TLE4: variants seen among roughly 807,000 people sequenced by gnomAD.
The protein encoded by TLE4 is TLE family member 4, transcriptional corepressor, also known as transducin-like enhancer protein 4.
In TLE4, 8 loss-of-function variants were observed where a neutral mutation model predicts 92.8. That is an observed-to-expected ratio of 0.09 (90% CI 0.05 to 0.16). The LOEUF is 0.16. Among genes scored for constraint, TLE4 ranks in the 10% least tolerant of loss-of-function variants. The pLI, the probability that TLE4 is intolerant of heterozygous loss-of-function variation, is 1.00. For synonymous variants in TLE4, 371 were observed against 374.1 expected (o/e 0.99, Z 0.10); for missense variants, 675 against 997.6 (o/e 0.68, Z 4.36).
intron 4 of TLE4, among the ~76,000 whole-genome samples, chr9:79,606,184 GTTGTTTT>G (rs2046817499): frequency 5.4e-5 from 1 of 18,374 alleles, no homozygotes; most frequent in Non-Finnish European, 1.2e-4. Context: ...AGCAGTAGTA[GTTGTTTT>G]TTTTTTTTTT....
chr9:79,720,871 T>C (rs1301960487), intron 16 of TLE4, among the ~76,000 whole-genome samples: 2 of 152,130 alleles, frequency 1.3e-5, no homozygotes, highest in Non-Finnish European at 2.9e-5. Flanking sequence ...TGTCCCACCT[T>C]TGAGGTTGGA....
At chr9:79,722,383 T>C (rs2075789697) in intron 17 of TLE4, 68 bp from the exon 18 acceptor site, 1 of 1,552,474 alleles carries the variant, frequency 6.4e-7, no homozygotes, top group Non-Finnish European at 8.8e-7. Context: ...ACAGAAGAGA[T>C]AGTACCTCCC....
intron 5 of TLE4, among the ~76,000 whole-genome samples, chr9:79,615,046 A>T (rs1385577886): frequency 6.6e-6 from 1 of 152,156 alleles, no homozygotes; most frequent in African/African-American, 2.4e-5. Context: ...ATTGTGTGAG[A>T]CACAAACATG....
At chr9:79,645,276 TA>T (rs1368690972) in intron 6 of TLE4, among the ~76,000 whole-genome samples, 2 of 152,224 alleles carry the variant, frequency 1.3e-5, no homozygotes, top group African/African-American at 2.4e-5. Context: ...TGCTCATTGC[TA>T]CTGAGATGTT....
intron 8 of TLE4, among the ~76,000 whole-genome samples, chr9:79,687,017 C>T (rs1257141974): frequency 6.6e-6 from 1 of 152,222 alleles, no homozygotes; most frequent in African/African-American, 2.4e-5. Context: ...TGCACTTAGG[C>T]TCTGGGGATA....
chr9:79,655,065 C>T (rs1037235317), intron 8 of TLE4, among the ~76,000 whole-genome samples: 1 of 152,178 alleles, frequency 6.6e-6, no homozygotes, highest in Non-Finnish European at 1.5e-5. Context: ...TCGCTTGAAT[C>T]TGGGAGGCAG....
intron 8 of TLE4, among the ~76,000 whole-genome samples, chr9:79,679,610 C>G (rs943985105): frequency 6.6e-6 from 1 of 152,136 alleles, no homozygotes; most frequent in Admixed American, 6.5e-5. Context: ...TGCAGAAGCT[C>G]TTTAGTTTAA....
chr9:79,659,390 T>C lies in TLE4; in HGVS notation c.609+5315T>C, dbSNP rs79115034. ...CAATATGCAAAATGAACACATTATC[T>C]AAATAGTGGGCCCTTTTTTTTTTAG... On this transcript the variant is annotated intron_variant, in intron 8 of 19. Coordinates refer to ENST00000376552, the MANE Select transcript of TLE4 (RefSeq NM_007005.6). Among the ~76,000 whole-genome samples, 893 of 152,106 alleles carry C rather than the reference T, an allele frequency of 5.9e-3. 5 individuals carry two copies. Among genetic ancestry groups the C allele is most frequent in the Non-Finnish European group, 0.01 (690 of 67,990 alleles).
intron 8 of TLE4, chr9:79,668,903 G>A (rs1360866021): frequency 2.4e-6 from 2 of 847,746 alleles, no homozygotes; most frequent in East Asian, 2.5e-4. Flanking sequence ...AGCTGCAGAT[G>A]ATAATGCTGG....
intron 14 of TLE4, among the ~76,000 whole-genome samples, chr9:79,710,506 A>C (rs142004635): frequency 2.6e-5 from 4 of 152,072 alleles, no homozygotes; most frequent in African/African-American, 9.7e-5. Context: ...GTCACTACAC[A>C]TGCCGTGTAT....
intron 8 of TLE4, among the ~76,000 whole-genome samples, chr9:79,690,233 C>A (rs2066765399): frequency 6.6e-6 from 1 of 152,092 alleles, no homozygotes; most frequent in African/African-American, 2.4e-5. Flanking sequence ...CTAATTCTTC[C>A]CAAGCAGTTC....
chr9:79,589,775 C>G (rs1268753886), intron 4 of TLE4, among the ~76,000 whole-genome samples: 1 of 152,092 alleles, frequency 6.6e-6, no homozygotes, highest in Non-Finnish European at 1.5e-5. Flanking sequence ...TATGATAGAC[C>G]GGGCTGCCTG....
intron 6 of TLE4, among the ~76,000 whole-genome samples, chr9:79,639,152 A>T (rs868241864): frequency 1.3e-5 from 2 of 152,052 alleles, no homozygotes; most frequent in Non-Finnish European, 2.9e-5. Context: ...ATGGGAGGGG[A>T]TGGGATTTGA....
chr9:79,625,378 A>G (rs551329226), intron 5 of TLE4, among the ~76,000 whole-genome samples: 102 of 152,282 alleles, frequency 6.7e-4, no homozygotes, highest in African/African-American at 2.3e-3. Context: ...CTTGAGTTCT[A>G]TGTTTTTGAT....
At chr9:79,575,264 G>A (rs1482073414) in intron 3 of TLE4, among the ~76,000 whole-genome samples, 1 of 152,016 alleles carries the variant, frequency 6.6e-6, no homozygotes, top group African/African-American at 2.4e-5. Flanking sequence ...GGCTTTCTTT[G>A]TTGTTTTATT....
intron 8 of TLE4, among the ~76,000 whole-genome samples, chr9:79,665,453 A>C (rs1433829161): frequency 6.6e-6 from 1 of 152,154 alleles, no homozygotes; most frequent in Non-Finnish European, 1.5e-5. Context: ...GTTCCTCTTC[A>C]TTTCTCAGAG....
At chr9:79,634,119 T>C (rs990746821) in intron 6 of TLE4, among the ~76,000 whole-genome samples, 2 of 152,200 alleles carry the variant, frequency 1.3e-5, no homozygotes, top group East Asian at 1.9e-4. Context: ...CAGTAAATAT[T>C]TGAGTACTTT....
chr9:79,592,183 CTCT>C (rs57278935), intron 4 of TLE4, among the ~76,000 whole-genome samples: 3,636 of 134,892 alleles, frequency 0.027, 74 homozygotes, highest in South Asian at 0.08. Context: ...CTTCCTCTTC[CTCT>C]TCTTCTTCTT....
chr9:79,606,184 G>GTTTTTTTTT (rs1288414778), intron 4 of TLE4, among the ~76,000 whole-genome samples: 11 of 18,372 alleles, frequency 6.0e-4, no homozygotes, highest in African/African-American at 7.8e-4. Flanking sequence ...AGCAGTAGTA[G>GTTTTTTTTT]TTGTTTTTTT....
Sources: gnomAD v4.1 joint callset for allele counts (sites outside exome capture counted in the v4.1 genomes callset) on GRCh38, gnomAD v4.1.1 for gene constraint, MANE v1.5 for transcripts, NCBI Gene and HGNC (gene_info 2026-07-23, HGNC 2026-07-21) for gene names.